MCPH1: variants seen among roughly 807,000 people sequenced by gnomAD.
MCPH1 encodes microcephalin 1.
A neutral mutation model predicts 84.5 loss-of-function variants in MCPH1; 104 were observed. The observed-to-expected ratio is 1.23, with a 90% CI of 1.05 to 1.45. The LOEUF is 1.45. Among genes scored for constraint, MCPH1 ranks in the 40% most tolerant of loss-of-function variants. The pLI is 0.00. For missense variants in MCPH1, 1,498 were observed against 1,005.7 expected (o/e 1.49, Z -6.62); for synonymous variants, 514 against 366.8 (o/e 1.40, Z -4.58).
At chr8:6,549,268 G>C (rs901335571) in intron 12 of MCPH1, among the ~76,000 whole-genome samples, 1 of 152,264 alleles carries the variant, frequency 6.6e-6, no homozygotes, top group African/African-American at 2.4e-5. Context: ...GCGAAACACT[G>C]CACGGTGATG....
At chr8:6,471,398 A>G (rs759482051) in intron 9 of MCPH1, among the ~76,000 whole-genome samples, 15 of 152,164 alleles carry the variant, frequency 9.9e-5, no homozygotes, top group African/African-American at 1.4e-4. Flanking sequence ...GCGCTGAAAA[A>G]AATGATACTC....
At chr8:6,411,816 G>T (rs1490126203) in intron 2 of MCPH1, among the ~76,000 whole-genome samples, 1 of 152,174 alleles carries the variant, frequency 6.6e-6, no homozygotes, top group African/African-American at 2.4e-5. Flanking sequence ...CATCCACTGG[G>T]AGGGGTTGGG....
chr8:6,436,135 G>A lies in MCPH1; in HGVS notation c.409G>A (p.Glu137Lys). The change falls in exon 5 of 14, where the codon GAG becomes AAG. Residue 137 changes from glutamate to lysine, a missense_variant. By Grantham distance (56) the Glu-to-Lys change is moderately conservative (BLOSUM62 1). Coordinates refer to ENST00000344683, the MANE Select transcript of MCPH1 (RefSeq NM_024596.5). ...FQKKFEKMAK[E>K]LQRQKTNLDD... ...GAAGAAATTTGAGAAAATGGCTAAA[G>A]AGCTACAAAGGCAAAAAACAAATCT... 17 of 1,613,654 alleles carry A rather than the reference G, an allele frequency of 1.1e-5. No homozygotes were observed. The highest frequency in any genetic ancestry group is 1.3e-5 in the Non-Finnish European group (15 of 1,179,822).
chr8:6,628,646 C>T (rs866184266), intron 13 of MCPH1, among the ~76,000 whole-genome samples: 1 of 152,116 alleles, frequency 6.6e-6, no homozygotes, highest in Admixed American at 6.5e-5. Flanking sequence ...ATATGCTGCT[C>T]CAAGCATTTT....
Position 6,455,181 on chromosome 8 carries a change from G to T in MCPH1, c.1864G>T (p.Asp622Tyr), listed in dbSNP as rs201318603. 105 of 1,614,052 alleles carry T rather than the reference G, an allele frequency of 6.5e-5. No homozygotes were observed. The African/African-American group carries it at 1.3e-3, about 20-fold the overall frequency. ...NRPTRHDVLD[D>Y]SCDGFKDLIK... ...ACCAACAAGGCATGATGTTTTAGAT[G>T]ACTCATGTGACGGCTTTAAGGACCT... Residue 622 changes from aspartate to tyrosine, a missense_variant, in exon 9 of 14, where the codon GAC (aspartate) becomes TAC (tyrosine). Physicochemically the swap from Asp to Tyr is radical, Grantham distance 160. Coordinates refer to ENST00000344683, the MANE Select transcript of MCPH1 (RefSeq NM_024596.5).
chr8:6,624,051 G>C (rs1222276383), intron 13 of MCPH1, among the ~76,000 whole-genome samples: 2 of 152,258 alleles, frequency 1.3e-5, no homozygotes, highest in Non-Finnish European at 2.9e-5. Flanking sequence ...GCCCCTTCCT[G>C]TGGGTCCTGC....
At chr8:6,592,788 G>A (rs1828604491) in intron 12 of MCPH1, among the ~76,000 whole-genome samples, 1 of 150,764 alleles carries the variant, frequency 6.6e-6, no homozygotes, top group Admixed American at 6.6e-5. Flanking sequence ...CTGGGTAGCA[G>A]GGACCACAAG....
At chr8:6,472,143 T>G (rs529793447) in intron 9 of MCPH1, among the ~76,000 whole-genome samples, 4 of 152,176 alleles carry the variant, frequency 2.6e-5, no homozygotes, top group Admixed American at 6.6e-5. Context: ...ACATAATCTT[T>G]ACAGAAAAAA....
At chr8:6,501,299 GA>G (rs1467208022) in intron 12 of MCPH1, 4 of 152,184 alleles carry the variant, frequency 2.6e-5, no homozygotes, top group African/African-American at 9.6e-5. Flanking sequence ...ATGGAATAAA[GA>G]AAAAATAATG....
At chr8:6,632,012 G>T (rs1797198212) in intron 13 of MCPH1, among the ~76,000 whole-genome samples, 1 of 152,216 alleles carries the variant, frequency 6.6e-6, no homozygotes, top group Non-Finnish European at 1.5e-5. Flanking sequence ...TAAAAAGGAA[G>T]GAGATTCTGA....
At chr8:6,641,870 T>TAC (rs1054541228) in intron 13 of MCPH1, among the ~76,000 whole-genome samples, 1 of 152,180 alleles carries the variant, frequency 6.6e-6, no homozygotes, top group African/African-American at 2.4e-5. Context: ...TATCATTTCT[T>TAC]ATATATATAA....
intron 12 of MCPH1, among the ~76,000 whole-genome samples, chr8:6,601,949 A>G (rs1236510539): frequency 1.3e-5 from 2 of 152,266 alleles, no homozygotes; most frequent in Admixed American, 1.3e-4. Flanking sequence ...TAAAAAGGGT[A>G]ATCAGTGTAC....
intron 12 of MCPH1, among the ~76,000 whole-genome samples, chr8:6,549,137 T>C (rs955705404): frequency 3.3e-5 from 5 of 152,204 alleles, no homozygotes; most frequent in Non-Finnish European, 7.3e-5. Context: ...ATTTCAGAGA[T>C]AGCAGTACAA....
chr8:6,530,658 G>A (rs564883339), intron 12 of MCPH1, among the ~76,000 whole-genome samples: 2 of 152,012 alleles, frequency 1.3e-5, no homozygotes, highest in East Asian at 3.9e-4. Flanking sequence ...AGTACCTTAT[G>A]ATCCGTTATG....
chr8:6,436,241 T>C, intron 5 of MCPH1, 79 bp downstream of exon 5: 1 of 1,450,902 alleles, frequency 6.9e-7, no homozygotes, highest in Non-Finnish European at 9.5e-7. Flanking sequence ...CTAGTGGGGT[T>C]CAGCATGAGA....
intron 13 of MCPH1, 113 bp from the exon 14 acceptor site, chr8:6,642,881 C>T: frequency 1.0e-6 from 1 of 994,744 alleles, no homozygotes; most frequent in Non-Finnish European, 1.6e-6. Flanking sequence ...ATGGACAACA[C>T]AGCTCTTGGC....
At chr8:6,472,452 T>C (rs568747799) in intron 9 of MCPH1, among the ~76,000 whole-genome samples, 388 of 152,208 alleles carry the variant, frequency 2.5e-3, no homozygotes, top group African/African-American at 7.5e-3. Flanking sequence ...CTGGGGAATC[T>C]TAGACAGTTT....
chr8:6,637,452 G>A (rs948804818), intron 13 of MCPH1, among the ~76,000 whole-genome samples: 16 of 152,122 alleles, frequency 1.1e-4, no homozygotes, highest in African/African-American at 1.4e-4. Flanking sequence ...TAAGTTTAGC[G>A]TGGCTGAAAT....
At position 6,414,845 on chromosome 8, in the gene MCPH1, G is replaced by T. The variant is rs1799034609; in HGVS notation, c.195G>T (p.Lys65Asn). ...AGAGCACTTGGGACAAAGCTCAGAA[G>T]AGAGGCGTAAAGCTCGTTTCGGTGC... ...GYQSTWDKAQ[K>N]RGVKLVSVLW... The change falls in exon 3 of 14, where the codon AAG becomes AAT. Residue 65 changes from lysine to asparagine, a missense_variant. Lys to Asn is a moderately conservative substitution (Grantham distance 94). Transcript: ENST00000344683. 1.9e-6 allele frequency: 3 copies of T among 1,613,886 alleles called. No individual in the cohort carries two copies. The highest frequency in any genetic ancestry group is 1.7e-6 in the Non-Finnish European group (2 of 1,179,922).
Sources: allele counts gnomAD v4.1 joint callset (sites outside exome capture counted in the v4.1 genomes callset), GRCh38; gene constraint gnomAD v4.1.1; transcripts MANE v1.5; gene names NCBI Gene and HGNC (gene_info 2026-07-23, HGNC 2026-07-21).